NFKBIL1: variants seen among roughly 807,000 people sequenced by gnomAD.
The protein encoded by NFKBIL1 is NFKB inhibitor like 1, also known as NF-kappa-B inhibitor-like protein 1.
NFKBIL1 carries 30 observed loss-of-function variants against 45.4 expected under a neutral mutation model. The observed-to-expected ratio is 0.66, with a 90% CI of 0.49 to 0.90. The LOEUF (loss-of-function observed/expected upper bound fraction) is 0.90. Among genes scored for constraint, NFKBIL1 ranks in the 40% least tolerant of loss-of-function variants. NFKBIL1 has a pLI of 0.00. For missense variants in NFKBIL1, 434 were observed against 513.4 expected (o/e 0.85, Z 1.49); for synonymous variants, 179 against 197.3 (o/e 0.91, Z 0.78).
At chr6:31,556,859 A>T (rs1769769618) in intron 2 of NFKBIL1, 1 of 428,128 alleles carries the variant, frequency 2.3e-6, no homozygotes, top group Non-Finnish European at 4.8e-6. Flanking sequence ...ATAAAAGATA[A>T]GTATTACATA....
At chr6:31,547,831 T>G (rs979801731) in intron 1 of NFKBIL1, 80 bp downstream of exon 1, 8 of 1,310,238 alleles carry the variant, frequency 6.1e-6, no homozygotes, top group Non-Finnish European at 8.6e-6. Context: ...TGATAAAAAT[T>G]TTCCCCATCC....
In NFKBIL1 at chr6:31,557,859, C is replaced by G; in HGVS notation, c.556+10C>G. On this transcript the variant is annotated intron_variant, in intron 3 of 3. Transcript: ENST00000376148. The surrounding 1 kb of genome is among the most constrained non-coding windows in gnomAD (Gnocchi z 5.4). ...ATGGGGAGGTTTGAAGGTGAGAAGT[C>G]CACTGCTATCCACAGCTGCCCTTCC... is the stretch of plus-strand genomic sequence containing the variant. The G allele has an allele frequency of 6.4e-7, 1 of 1,569,732 alleles. No homozygotes were observed. Among genetic ancestry groups the G allele is most frequent in the Non-Finnish European group, 8.7e-7 (1 of 1,152,956 alleles).
chr6:31,551,617 C>T (rs1769432463), intron 2 of NFKBIL1, among the ~76,000 whole-genome samples: 2 of 139,306 alleles, frequency 1.4e-5, no homozygotes, highest in African/African-American at 5.1e-5. Flanking sequence ...CCTTTTGAGA[C>T]GGAGTCTTGC....
intron 2 of NFKBIL1, chr6:31,556,743 G>T: frequency 2.2e-6 from 1 of 457,226 alleles, no homozygotes; most frequent in Non-Finnish European, 4.4e-6. Flanking sequence ...GGCCATAGTT[G>T]TTGCCGGTTC....
chr6:31,548,043 T>G (rs1490387404), intron 1 of NFKBIL1, 120 bp from the exon 2 acceptor site: 9 of 1,363,200 alleles, frequency 6.6e-6, no homozygotes, highest in Non-Finnish European at 9.1e-6. Context: ...GCCTCATCTC[T>G]TGCTGAAGAT....
chr6:31,547,682 GGGGGCA>G lies in NFKBIL1; in HGVS notation c.-10_-5del. The G allele has an allele frequency of 6.2e-7, 1 of 1,601,022 alleles. No individual in the cohort carries two copies. The highest frequency in any genetic ancestry group is 8.5e-7 in the Non-Finnish European group (1 of 1,171,770). ...CGGCTCTGGGGGTACTTGGGGGGGC[GGGGGCA>G]GGTCTGATGAGTAACCCCTCCCCCC... On this transcript the variant is annotated 5_prime_UTR_variant, in exon 1 of 4. Coordinates refer to ENST00000376148, the MANE Select transcript of NFKBIL1 (RefSeq NM_005007.4).
In NFKBIL1 at chr6:31,557,344, G is replaced by A. The variant is rs572661182; in HGVS notation, c.335-284G>A. Among the ~76,000 whole-genome samples, 27 of 152,180 alleles carry A rather than the reference G, an allele frequency of 1.8e-4. No homozygotes were observed. The highest frequency in any genetic ancestry group is 6.3e-4 in the African/African-American group (26 of 41,524). On this transcript the variant is annotated intron_variant, in intron 2 of 3. Coordinates refer to ENST00000376148, the MANE Select transcript of NFKBIL1 (RefSeq NM_005007.4). The surrounding 1 kb of genome is among the most constrained non-coding windows in gnomAD (Gnocchi z 5.4). The stretch of plus-strand genomic sequence containing the variant: ...AGGATGGTCTTGATCTCCTGACCTC[G>A]TGATCCGCCCGCCTCGGACTCCCAA...
intron 1 of NFKBIL1, 22 bp from the exon 2 acceptor site, chr6:31,548,141 G>A (rs1769194912): frequency 6.2e-7 from 1 of 1,613,104 alleles, no homozygotes; most frequent in Non-Finnish European, 8.5e-7. Context: ...AGTCCTGACT[G>A]CTGCCTTTTT....
Position 31,547,640 on chromosome 6 carries a change from C to A in NFKBIL1, c.-55C>A. The A allele has an allele frequency of 7.4e-7, 1 of 1,353,802 alleles. No homozygotes were observed. The allele number at this position is 1,353,802 out of a possible 1,614,324, so 83.9% of individuals were successfully genotyped here. A position where few individuals can be genotyped will look rare whatever the true frequency, so the allele number is the denominator to read the frequency against. On this transcript the variant is annotated 5_prime_UTR_variant, in exon 1 of 4. Transcript: ENST00000376148. Reference sequence around the variant, plus strand: ...GCCTCCCGTCTCCGAGCTTCTTAAACACAGGCCTTGGGCCTACGGCTCTGG... The same window carrying A: ...GCCTCCCGTCTCCGAGCTTCTTAAAAACAGGCCTTGGGCCTACGGCTCTGG...
rs200539754 is a variant in NFKBIL1 at position 31,557,578 on chromosome 6, G to A, written c.335-50G>A. 3.5e-6 allele frequency: 5 copies of A among 1,415,866 alleles called. No homozygotes were observed. The highest frequency in any genetic ancestry group is 3.1e-5 in the South Asian group (2 of 63,992). The allele number at this position is 1,415,866 out of a possible 1,614,324, so 87.7% of individuals were successfully genotyped here. A position where few individuals can be genotyped will look rare whatever the true frequency, so the allele number is the denominator to read the frequency against. On this transcript the variant is annotated intron_variant, in intron 2 of 3. Coordinates refer to ENST00000376148, the MANE Select transcript of NFKBIL1 (RefSeq NM_005007.4). This position sits in a 1 kb window ranked among gnomAD's most constrained non-coding sequence, Gnocchi z 5.4. ...CAGGATTCAAGATGGCAGCTCTGCC[G>A]AGGAGTGGGAGTCCCAGCTAACTTC... is the stretch of plus-strand genomic sequence containing the variant.
At chr6:31,553,318 C>T (rs28732142) in intron 2 of NFKBIL1, among the ~76,000 whole-genome samples, 4,296 of 152,226 alleles carry the variant, frequency 0.028, 67 homozygotes, top group South Asian at 0.052. Flanking sequence ...GGATTACAGG[C>T]ATGAGCCACT....
At chr6:31,548,117 C>T in intron 1 of NFKBIL1, 46 bp from the exon 2 acceptor site, 1 of 1,612,022 alleles carries the variant, frequency 6.2e-7, no homozygotes, top group South Asian at 1.1e-5. Flanking sequence ...GGGAGAAGGA[C>T]CAGCCAAGGC....
At chr6:31,554,930 A>G (rs1769633377) in intron 2 of NFKBIL1, among the ~76,000 whole-genome samples, 1 of 152,238 alleles carries the variant, frequency 6.6e-6, no homozygotes, top group Non-Finnish European at 1.5e-5. Flanking sequence ...ATTCCTGTGG[A>G]AAAATATAAA....
chr6:31,554,467 G>A (rs1769605435), intron 2 of NFKBIL1, among the ~76,000 whole-genome samples: 1 of 151,954 alleles, frequency 6.6e-6, no homozygotes, highest in African/African-American at 2.4e-5. Flanking sequence ...TTTGCAATAT[G>A]TATAACACAT....
At chr6:31,548,916 C>G (rs1769275788) in intron 2 of NFKBIL1, among the ~76,000 whole-genome samples, 1 of 152,188 alleles carries the variant, frequency 6.6e-6, no homozygotes, top group Non-Finnish European at 1.5e-5. Flanking sequence ...TTAATCCTCA[C>G]AACAATCTTA....
At chr6:31,547,542 A>C (rs1429881870), upstream of NFKBIL1, 5 of 499,072 alleles carry the variant, frequency 1.0e-5, no homozygotes, top group African/African-American at 4.0e-5. Context: ...CGCCCCTCAC[A>C]GTTCACTTCC....
intron 2 of NFKBIL1, among the ~76,000 whole-genome samples, chr6:31,553,159 A>T (rs113314733): frequency 4.3e-4 from 65 of 149,532 alleles, no homozygotes; most frequent in African/African-American, 9.2e-4. Flanking sequence ...CTCCTGCCTC[A>T]GCCTCCTGAG....
At chr6:31,551,679 C>T (rs1016477300) in intron 2 of NFKBIL1, among the ~76,000 whole-genome samples, 1 of 152,190 alleles carries the variant, frequency 6.6e-6, no homozygotes, top group African/African-American at 2.4e-5. Flanking sequence ...ACTATAACTT[C>T]TGCTTCCTGG....
chr6:31,555,910 C>A (rs569158355), intron 2 of NFKBIL1, among the ~76,000 whole-genome samples: 133 of 147,922 alleles, frequency 9.0e-4, no homozygotes, highest in African/African-American at 3.1e-3. Flanking sequence ...CCCCCCCCCC[C>A]AGCCTCCCAA....
Sources: gnomAD v4.1 joint callset for allele counts (sites outside exome capture counted in the v4.1 genomes callset) on GRCh38, gnomAD v4.1.1 for gene constraint, Gnocchi (gnomAD v3.1) non-coding constraint, MANE v1.5 for transcripts, NCBI Gene and HGNC (gene_info 2026-07-23, HGNC 2026-07-21) for gene names.